The following PTGFRN variants were observed in gnomAD, a reference collection of about 807,000 sequenced individuals.
The protein encoded by PTGFRN is prostaglandin F2 receptor negative regulator.
A neutral mutation model predicts 83.2 loss-of-function variants in PTGFRN; 35 were observed. The observed-to-expected ratio is 0.42, with a 90% CI of 0.32 to 0.56. The LOEUF (loss-of-function observed/expected upper bound fraction) is 0.56. Among genes scored for constraint, PTGFRN ranks in the 20% least tolerant of loss-of-function variants. The pLI is 0.11. For missense variants in PTGFRN, 1,051 were observed against 1,179.5 expected, an observed-to-expected ratio of 0.89 and a Z score of 1.60; for synonymous variants, 519 against 498.6, an observed-to-expected ratio of 1.04 and a Z score of -0.55.
rs1651658081 is a variant in PTGFRN, at chr1:116,989,773, G to T, written c.*2806G>T. The stretch of plus-strand genomic sequence containing the variant: ...ATGTTTCATGGGACAGTAGAACTCT[G>T]ACTCACCAACTGGGCTAAATTTTAA... On this transcript the variant is annotated 3_prime_UTR_variant, in exon 9 of 9. Transcript: ENST00000393203. The T allele has an allele frequency of 1.3e-5, 2 of 152,538 alleles. No homozygotes were observed. The highest frequency in any genetic ancestry group is 2.4e-5 in the African/African-American group (1 of 41,406). 9.4% of individuals were successfully genotyped at this position (152,538 alleles called of 1,614,324 possible). A position where few individuals can be genotyped will look rare whatever the true frequency, so the allele number is the denominator to read the frequency against.
At chr1:116,972,668 A>G (rs1359541619) in intron 6 of PTGFRN, among the ~76,000 whole-genome samples, 2 of 152,190 alleles carry the variant, frequency 1.3e-5, no homozygotes, top group Admixed American at 6.5e-5. Flanking sequence ...AGGGCCTTCA[A>G]TCGTTGCTTC....
chr1:116,921,630 C>CTT (rs35543292), intron 1 of PTGFRN, among the ~76,000 whole-genome samples: 2,593 of 144,124 alleles, frequency 0.018, 77 homozygotes, highest in African/African-American at 0.062. Context: ...GCTTTGTAAT[C>CTT]TTTTTTTTTT....
At chr1:116,963,979 T>C (rs1670325533) in intron 5 of PTGFRN, among the ~76,000 whole-genome samples, 1 of 151,938 alleles carries the variant, frequency 6.6e-6, no homozygotes, top group African/African-American at 2.4e-5. Flanking sequence ...AGGGTCTCAC[T>C]GTGTTGTCCA....
chr1:116,916,477 T>C (rs751374084), intron 1 of PTGFRN, among the ~76,000 whole-genome samples: 11 of 152,206 alleles, frequency 7.2e-5, no homozygotes, highest in Non-Finnish European at 1.6e-4. Flanking sequence ...TCTTCCTTGC[T>C]CTTCTTTAGA....
chr1:116,910,236 G>A lies in PTGFRN; in HGVS notation c.33G>A (p.Leu11=), dbSNP rs1359257739. The A allele has an allele frequency of 1.4e-6, 2 of 1,456,508 alleles. No individual in the cohort carries two copies. The highest frequency in any genetic ancestry group is 2.8e-5 in the South Asian group (2 of 72,280). 90.2% of individuals were successfully genotyped at this position (1,456,508 alleles called of 1,614,324 possible). A position where few individuals can be genotyped will look rare whatever the true frequency, so the allele number is the denominator to read the frequency against. ...GCCTGGCCTCGAGGCCGCTGCTGCTGGCGCTCCTGTCGTTGGGTGAGTGTG... is the reference window on the plus strand; with the variant it reads ...GCCTGGCCTCGAGGCCGCTGCTGCTAGCGCTCCTGTCGTTGGGTGAGTGTG... MGRLASRPLL[L]ALLSLALCRG... Residue 11 remains leucine, a synonymous_variant, in exon 1 of 9, where the codon CTG becomes CTA. Transcript: ENST00000393203.
rs1282121333 is a variant in PTGFRN, at chr1:116,988,610, T to G, written c.*1643T>G. 1 of 152,786 alleles carries G rather than the reference T, an allele frequency of 6.5e-6. No homozygotes were observed. The highest frequency in any genetic ancestry group is 2.4e-5 in the African/African-American group (1 of 41,456). The allele number at this position is 152,786 out of a possible 1,614,324, so 9.5% of individuals were successfully genotyped here. On this transcript the variant is annotated 3_prime_UTR_variant, in exon 9 of 9. Transcript: ENST00000393203. ...TAAACTAATACAAAATGATGGCCAT[T>G]CATGTGCAGCTCTTTGTCACCATGG...
intron 6 of PTGFRN, among the ~76,000 whole-genome samples, chr1:116,970,165 CTT>C (rs34430683): frequency 0.2 from 30,647 of 152,088 alleles, 3,950 homozygotes; most frequent in Admixed American, 0.36. Context: ...ACATTCTTGT[CTT>C]GTTTCTGATC....
intron 7 of PTGFRN, among the ~76,000 whole-genome samples, chr1:116,980,323 A>G (rs2101089894): frequency 1.3e-5 from 2 of 152,336 alleles, no homozygotes; most frequent in South Asian, 4.2e-4. Context: ...TCAAGGATCT[A>G]GAAATAGAAA....
chr1:116,920,617 A>G (rs1398352392), intron 1 of PTGFRN, among the ~76,000 whole-genome samples: 6 of 152,186 alleles, frequency 3.9e-5, no homozygotes, highest in African/African-American at 7.2e-5. Flanking sequence ...GAAGGGTAGA[A>G]GAGTTGAAAT....
At chr1:116,924,768 C>T (rs934995826) in intron 1 of PTGFRN, among the ~76,000 whole-genome samples, 4 of 152,174 alleles carry the variant, frequency 2.6e-5, no homozygotes, top group African/African-American at 9.7e-5. Flanking sequence ...TTTTGTTAAG[C>T]CCCTGGATGA....
intron 4 of PTGFRN, among the ~76,000 whole-genome samples, chr1:116,951,552 A>G (rs1309245897): frequency 6.6e-6 from 1 of 152,252 alleles, no homozygotes; most frequent in African/African-American, 2.4e-5. Flanking sequence ...GTGCATAGGA[A>G]AGCTAGAATT....
At chr1:116,977,795 C>A (rs1303961894) in intron 7 of PTGFRN, among the ~76,000 whole-genome samples, 2 of 152,146 alleles carry the variant, frequency 1.3e-5, no homozygotes, top group Admixed American at 6.5e-5. Context: ...GACACCCTAA[C>A]ATCACAATTA....
intron 1 of PTGFRN, among the ~76,000 whole-genome samples, chr1:116,935,612 A>G (rs1278159048): frequency 6.6e-6 from 1 of 152,218 alleles, no homozygotes; most frequent in Non-Finnish European, 1.5e-5. Context: ...ACCCCCAAAT[A>G]TTTGAGTCAA....
At chr1:116,928,867 C>G (rs1393088449) in intron 1 of PTGFRN, among the ~76,000 whole-genome samples, 1 of 152,132 alleles carries the variant, frequency 6.6e-6, no homozygotes, top group Non-Finnish European at 1.5e-5. Flanking sequence ...TCTTTTTCCT[C>G]TCTATGTGTA....
Position 116,988,150 on chromosome 1 carries a change from G to C in PTGFRN, c.*1183G>C, listed in dbSNP as rs1370187033. 1 of 152,188 alleles carries C rather than the reference G, an allele frequency of 6.6e-6. No homozygotes were observed. The highest frequency in any genetic ancestry group is 2.4e-5 in the African/African-American group (1 of 41,444). The allele number at this position is 152,188 out of a possible 1,614,324, so 9.4% of individuals were successfully genotyped here. ...CCATGTTTTTTCTATGACCTTTTCAGTCCTTCAGGTCATTTTAAGGTCCAC... is the reference window on the plus strand; with the variant it reads ...CCATGTTTTTTCTATGACCTTTTCACTCCTTCAGGTCATTTTAAGGTCCAC... On this transcript the variant is annotated 3_prime_UTR_variant, in exon 9 of 9. Transcript: ENST00000393203.
chr1:116,931,164 C>G (rs1649789694), intron 1 of PTGFRN, among the ~76,000 whole-genome samples: 1 of 152,330 alleles, frequency 6.6e-6, no homozygotes, highest in African/African-American at 2.4e-5. Flanking sequence ...GGAGGAAATG[C>G]TCGTTGGAGC....
At chr1:116,979,783 G>A (rs559547197) in intron 7 of PTGFRN, among the ~76,000 whole-genome samples, 1 of 152,298 alleles carries the variant, frequency 6.6e-6, no homozygotes, top group Non-Finnish European at 1.5e-5. Context: ...AGAAAACCTA[G>A]GCAGTACCAT....
chr1:116,944,607 C>G (rs1375755343), intron 2 of PTGFRN, 72 bp from the exon 3 acceptor site: 2 of 1,303,986 alleles, frequency 1.5e-6, no homozygotes, highest in African/African-American at 3.1e-5. Flanking sequence ...TCTGTGGTTG[C>G]AGCGGTGGGC....
Position 116,961,804 on chromosome 1 carries a change from G to A in PTGFRN, c.1639+136G>A, listed in dbSNP as rs1557744337. The A allele has an allele frequency of 2.0e-5, 18 of 879,386 alleles. No homozygotes were observed. Among genetic ancestry groups the A allele is most frequent in the South Asian group, 7.4e-5 (4 of 54,328 alleles). 54.5% of individuals were successfully genotyped at this position (879,386 alleles called of 1,614,324 possible). Reference sequence around the variant, plus strand: ...GTGTCCTGGACATTGATCGCCATGCGACCCGTTGCACATGCTCTTTGGACT... The same window carrying A: ...GTGTCCTGGACATTGATCGCCATGCAACCCGTTGCACATGCTCTTTGGACT... On this transcript the variant is annotated intron_variant, in intron 5 of 8. Coordinates refer to ENST00000393203, the MANE Select transcript of PTGFRN (RefSeq NM_020440.4). The surrounding 1 kb of genome is among the most constrained non-coding windows in gnomAD (Gnocchi z 5.4).
Sources: gnomAD v4.1 joint callset for allele counts (sites outside exome capture counted in the v4.1 genomes callset) on GRCh38, gnomAD v4.1.1 for gene constraint, Gnocchi (gnomAD v3.1) non-coding constraint, MANE v1.5 for transcripts, NCBI Gene and HGNC (gene_info 2026-07-23, HGNC 2026-07-21) for gene names.